Variants in PCDHGA2 observed in about 807,000 individuals in gnomAD.
PCDHGA2 encodes protocadherin gamma subfamily A, 2.
A neutral mutation model predicts 59.2 loss-of-function variants in PCDHGA2; 40 were observed. The ratio of observed to expected loss-of-function variants is 0.68; its 90% CI spans 0.52 to 0.88. PCDHGA2 has a LOEUF of 0.88. PCDHGA2 is among the 40% of genes least tolerant of loss of function. The pLI is 0.00. For missense variants in PCDHGA2, 1,226 were observed against 1,204.0 expected, an observed-to-expected ratio of 1.02 and a Z score of -0.27; for synonymous variants, 560 against 526.0, an observed-to-expected ratio of 1.06 and a Z score of -0.89.
At position 141,395,545 on chromosome 5, in the gene PCDHGA2, TGTG is replaced by T. The variant is rs1561655187; in HGVS notation, c.2424+54151_2424+54153del. The T allele has an allele frequency of 2.9e-4, 51 of 177,126 alleles. 1 individual carries two copies. The highest frequency in any genetic ancestry group is 1.2e-3 in the African/African-American group (46 of 38,988). 11.0% of individuals were successfully genotyped at this position (177,126 alleles called of 1,614,324 possible). A position where few individuals can be genotyped will look rare whatever the true frequency, so the allele number is the denominator to read the frequency against. ...ATACTGGTAATTTTGCTATTGTTTG[TGTG>T]TGTGTGTGTGTGTGTGTGTGTGTGT... is the stretch of plus-strand genomic sequence containing the variant. On this transcript the variant is annotated intron_variant, in intron 1 of 3. Coordinates refer to ENST00000394576, the MANE Select transcript of PCDHGA2 (RefSeq NM_018915.4).
chr5:141,370,896 C>T, intron 1 of PCDHGA2: 1 of 1,614,040 alleles, frequency 6.2e-7, no homozygotes, highest in Non-Finnish European at 8.5e-7. Context: ...CAATTCGCTG[C>T]AGCAGTACTA....
chr5:141,367,108 A>AC, intron 1 of PCDHGA2: 1 of 233,042 alleles, frequency 4.3e-6, no homozygotes, highest in Non-Finnish European at 8.4e-6. Context: ...GTCTGCCTAG[A>AC]CACCATTAGT....
At chr5:141,440,399 A>T (rs1215824479) in intron 1 of PCDHGA2, 1 of 152,164 alleles carries the variant, frequency 6.6e-6, no homozygotes, top group Non-Finnish European at 1.5e-5. Context: ...CCGAGAGGCA[A>T]TCGCACCACT....
intron 1 of PCDHGA2, chr5:141,383,187 C>T (rs572411306): frequency 6.2e-7 from 1 of 1,614,076 alleles, no homozygotes; most frequent in Non-Finnish European, 8.5e-7. Flanking sequence ...AAGAGATCTG[C>T]GCTCAGAGTG....
At position 141,400,119 on chromosome 5, in the gene PCDHGA2, G is replaced by A. The variant is rs543287685; in HGVS notation, c.2424+58724G>A. ...TGCACTTGGTCTTTGCTGACAGCTTGCAGGAGGTGCTGCCGGATATCACTG... is the reference window on the plus strand; with the variant it reads ...TGCACTTGGTCTTTGCTGACAGCTTACAGGAGGTGCTGCCGGATATCACTG... On this transcript the variant is annotated intron_variant, in intron 1 of 3. Transcript: ENST00000394576. 3 of 1,614,076 alleles carry A rather than the reference G, an allele frequency of 1.9e-6. No individual in the cohort carries two copies. The Admixed American group carries it at 5.0e-5, about 27-fold the overall frequency.
chr5:141,450,181 C>A (rs2098672863), intron 1 of PCDHGA2, among the ~76,000 whole-genome samples: 1 of 151,572 alleles, frequency 6.6e-6, no homozygotes, highest in African/African-American at 2.4e-5. Flanking sequence ...CCACACCCAG[C>A]TAATTTTTGT....
In PCDHGA2 at chr5:141,490,499, A is replaced by G. The variant is rs1269710790; in HGVS notation, c.2425-4308A>G. On this transcript the variant is annotated intron_variant, in intron 1 of 3. Coordinates refer to ENST00000394576, the MANE Select transcript of PCDHGA2 (RefSeq NM_018915.4). The surrounding 1 kb of genome is among the most constrained non-coding windows in gnomAD (Gnocchi z 5.4). ...TTGGACCGGGAGGCCACATCCCACT[A>G]TATCATCGAGCTGCTGGCCAGCGAT... 1.2e-6 allele frequency: 2 copies of G among 1,614,148 alleles called. No homozygotes were observed. Among genetic ancestry groups the G allele is most frequent in the Non-Finnish European group, 8.5e-7 (1 of 1,180,020 alleles).
intron 1 of PCDHGA2, chr5:141,479,437 C>G (rs2099496053): frequency 6.6e-6 from 1 of 152,224 alleles, no homozygotes; most frequent in Admixed American, 6.5e-5. Flanking sequence ...AATCCACTGT[C>G]TGCACTAAGT....
At chr5:141,438,635 T>TATAC (rs1460604450) in intron 1 of PCDHGA2, among the ~76,000 whole-genome samples, 1 of 33,416 alleles carries the variant, frequency 3.0e-5, no homozygotes, top group Admixed American at 4.2e-4. Context: ...TATATATATA[T>TATAC]ACACACACAC....
intron 1 of PCDHGA2, chr5:141,346,240 C>G: frequency 1.2e-6 from 2 of 1,614,204 alleles, no homozygotes; most frequent in Non-Finnish European, 1.7e-6. Context: ...GCGAGTACGC[C>G]CGGCTCGCAC....
At chr5:141,505,567 T>A in intron 3 of PCDHGA2, 86 bp downstream of exon 3, 2 of 1,599,440 alleles carry the variant, frequency 1.3e-6, no homozygotes, top group Non-Finnish European at 1.7e-6. Context: ...ACGGACTGGA[T>A]GTCAAACCTG....
intron 1 of PCDHGA2, chr5:141,417,644 A>G (rs2096142506): frequency 3.9e-6 from 3 of 779,086 alleles, no homozygotes; most frequent in Non-Finnish European, 5.8e-6. Context: ...GGGATCCCTC[A>G]GCCTCTAGCC....
At chr5:141,501,470 TG>T (rs1206698871) in intron 2 of PCDHGA2, among the ~76,000 whole-genome samples, 1 of 152,068 alleles carries the variant, frequency 6.6e-6, no homozygotes, top group African/African-American at 2.4e-5. Flanking sequence ...CCCCAAATCC[TG>T]GAAGAGTCCC....
At chr5:141,433,298 A>G in intron 1 of PCDHGA2, 7 of 1,015,894 alleles carry the variant, frequency 6.9e-6, no homozygotes, top group Non-Finnish European at 1.0e-5. Context: ...GGCTCAAGCA[A>G]TTATCCCACC....
At chr5:141,355,142 C>T in intron 1 of PCDHGA2, 1 of 1,526,256 alleles carries the variant, frequency 6.6e-7, no homozygotes, top group Non-Finnish European at 8.8e-7. Flanking sequence ...GATCCTGGGG[C>T]TCCTCAGGCC....
intron 1 of PCDHGA2, among the ~76,000 whole-genome samples, chr5:141,406,833 A>G (rs776807611): frequency 3.9e-5 from 6 of 152,238 alleles, no homozygotes; most frequent in Non-Finnish European, 4.4e-5. Flanking sequence ...ATGAACTTGC[A>G]TATCAGATAT....
intron 1 of PCDHGA2, chr5:141,419,502 T>C: frequency 6.2e-7 from 1 of 1,612,388 alleles, no homozygotes; most frequent in Admixed American, 1.7e-5. Context: ...AATGTGAGCC[T>C]GCGCGTGTTG....
rs1479003983 is a variant in PCDHGA2, at chr5:141,485,352, C to T, written c.2425-9455C>T. On this transcript the variant is annotated intron_variant, in intron 1 of 3. Coordinates refer to ENST00000394576, the MANE Select transcript of PCDHGA2 (RefSeq NM_018915.4). This position sits in a 1 kb window ranked among gnomAD's most constrained non-coding sequence, Gnocchi z 5.7. ...TTCCTGCTGGATACGGACAGTCTGT[C>T]AGCTCGCAGGCTGCAGGTCGCTGGA... 1 of 1,614,136 alleles carries T rather than the reference C, an allele frequency of 6.2e-7. No homozygotes were observed. The highest frequency in any genetic ancestry group is 8.5e-7 in the Non-Finnish European group (1 of 1,180,012).
At chr5:141,351,504 A>T in intron 1 of PCDHGA2, 1 of 1,613,986 alleles carries the variant, frequency 6.2e-7, no homozygotes, top group South Asian at 1.1e-5. Context: ...GCAGACTACA[A>T]CGTCACAATC....
Sources: gnomAD v4.1 joint callset for allele counts (sites outside exome capture counted in the v4.1 genomes callset) on GRCh38, gnomAD v4.1.1 for gene constraint, Gnocchi (gnomAD v3.1) non-coding constraint, MANE v1.5 for transcripts, NCBI Gene and HGNC (gene_info 2026-07-23, HGNC 2026-07-21) for gene names.